Variants in SAMD5 observed in about 807,000 individuals in gnomAD.
SAMD5 encodes sterile alpha motif domain containing 5.
In SAMD5, 13 loss-of-function variants were observed where a neutral mutation model predicts 11.3. The observed-to-expected ratio is 1.15, with a 90% CI of 0.75 to 1.83. The LOEUF is 1.83. Ranked by LOEUF, SAMD5 falls within the 40% of genes most tolerant of loss-of-function variation. SAMD5 has a pLI of 0.00. For synonymous variants in SAMD5, 129 were observed against 111.3 expected, an observed-to-expected ratio of 1.16 and a Z score of -1.00; for missense variants, 255 against 239.1, an observed-to-expected ratio of 1.07 and a Z score of -0.44.
intron 1 of SAMD5, among the ~76,000 whole-genome samples, chr6:147,630,636 A>G (rs1210799315): frequency 1.3e-5 from 2 of 149,472 alleles, no homozygotes; most frequent in African/African-American, 4.9e-5. Flanking sequence ...CCCCACCCCT[A>G]TCTCCCTTTG....
the SAMD5 span, among the ~76,000 whole-genome samples, chr6:147,897,536 G>T: frequency 3.4e-3 from 524 of 152,286 alleles, 3 homozygotes; most frequent in African/African-American, 0.012. Context: ...CCTCATAGGA[G>T]CAATCAAGGT....
intron 1 of SAMD5, among the ~76,000 whole-genome samples, chr6:147,648,062 G>A (rs1790431144): frequency 6.6e-6 from 1 of 152,158 alleles, no homozygotes; most frequent in African/African-American, 2.4e-5. Context: ...TCCCTCTAAG[G>A]CCAGCTGTCT....
the SAMD5 span, among the ~76,000 whole-genome samples, chr6:147,932,173 AT>A: frequency 6.6e-6 from 1 of 152,184 alleles, no homozygotes; most frequent in Non-Finnish European, 1.5e-5. Context: ...CATTATTCCT[AT>A]TTTGTAAGTA....
the SAMD5 span, among the ~76,000 whole-genome samples, chr6:147,949,631 G>A: frequency 3.9e-5 from 6 of 152,002 alleles, no homozygotes; most frequent in Admixed American, 6.5e-5. Flanking sequence ...CTAAAATATC[G>A]TTATTTTTCT....
the SAMD5 span, among the ~76,000 whole-genome samples, chr6:147,853,608 A>T: frequency 6.9e-6 from 1 of 144,014 alleles, no homozygotes; most frequent in African/African-American, 2.5e-5. Flanking sequence ...TAGGTAAATT[A>T]CCTTTTGAAA....
the SAMD5 span, among the ~76,000 whole-genome samples, chr6:147,908,604 G>A: frequency 6.6e-6 from 1 of 152,164 alleles, no homozygotes; most frequent in African/African-American, 2.4e-5. Flanking sequence ...CTTTGCAGCA[G>A]GGAAAGAGAA....
chr6:147,916,212 T>C, the SAMD5 span, among the ~76,000 whole-genome samples: 4 of 152,292 alleles, frequency 2.6e-5, no homozygotes, highest in Non-Finnish European at 4.4e-5. Flanking sequence ...GCAATAAACA[T>C]ACATGTGCAT....
chr6:147,570,654 A>G (rs1789123135), downstream of SAMD5, among the ~76,000 whole-genome samples: 3 of 152,216 alleles, frequency 2.0e-5, no homozygotes, highest in Non-Finnish European at 4.4e-5. Context: ...TTTTTAATCA[A>G]ATCATTTAAA....
chr6:147,947,345 A>G, the SAMD5 span: 1 of 152,238 alleles, frequency 6.6e-6, no homozygotes, highest in Non-Finnish European at 1.5e-5. Context: ...GTGATTTTCT[A>G]CTAAAAAGTT....
the SAMD5 span, among the ~76,000 whole-genome samples, chr6:147,947,180 T>C: frequency 6.6e-6 from 1 of 152,198 alleles, no homozygotes; most frequent in Non-Finnish European, 1.5e-5. Context: ...AGATTCCTGC[T>C]AACATTTTCC....
chr6:147,818,805 C>T, the SAMD5 span, among the ~76,000 whole-genome samples: 1 of 152,104 alleles, frequency 6.6e-6, no homozygotes, highest in Non-Finnish European at 1.5e-5. Flanking sequence ...GACTGTGACA[C>T]CAGCAAGTTA....
At chr6:147,843,808 T>C in the SAMD5 span, among the ~76,000 whole-genome samples, 13 of 152,072 alleles carry the variant, frequency 8.5e-5, no homozygotes, top group Non-Finnish European at 2.9e-5. Context: ...AGAATGAAAA[T>C]TATCCCTTAT....
intron 1 of SAMD5, among the ~76,000 whole-genome samples, chr6:147,691,786 A>T (rs970998143): frequency 4.6e-5 from 7 of 152,220 alleles, no homozygotes; most frequent in African/African-American, 1.7e-4. Flanking sequence ...ACTGTTCAGA[A>T]ATCAAGGCCA....
At chr6:147,681,337 GT>G (rs1260214840) in intron 1 of SAMD5, among the ~76,000 whole-genome samples, 1 of 151,786 alleles carries the variant, frequency 6.6e-6, no homozygotes, top group Non-Finnish European at 1.5e-5. Flanking sequence ...CATCCAGTAT[GT>G]TTTTTTCATC....
At chr6:147,823,142 G>T in the SAMD5 span, among the ~76,000 whole-genome samples, 1 of 152,026 alleles carries the variant, frequency 6.6e-6, no homozygotes, top group Non-Finnish European at 1.5e-5. Context: ...ATACAAGTTT[G>T]CATATTTCCT....
intron 1 of SAMD5, among the ~76,000 whole-genome samples, chr6:147,626,852 C>G (rs1460126169): frequency 7.3e-6 from 1 of 137,478 alleles, no homozygotes; most frequent in Non-Finnish European, 1.6e-5. Context: ...ATATGAAGTA[C>G]TTAGCATACT....
intron 1 of SAMD5, among the ~76,000 whole-genome samples, chr6:147,623,752 G>A (rs1285144140): frequency 2.0e-5 from 3 of 152,222 alleles, no homozygotes; most frequent in African/African-American, 7.2e-5. Flanking sequence ...AAGTAAGACT[G>A]AGCACATTAG....
downstream of SAMD5, chr6:147,741,620 G>A (rs1791880406): frequency 6.6e-6 from 1 of 152,158 alleles, no homozygotes; most frequent in Non-Finnish European, 1.5e-5. Context: ...ATGTGTTGTT[G>A]GCAGGTATCC....
At chr6:147,816,887 A>T in the SAMD5 span, among the ~76,000 whole-genome samples, 1 of 152,168 alleles carries the variant, frequency 6.6e-6, no homozygotes, top group Non-Finnish European at 1.5e-5. Context: ...GCTATAAAAG[A>T]TAAGTTTATC....
Sources: gnomAD v4.1 joint callset for allele counts (sites outside exome capture counted in the v4.1 genomes callset) on GRCh38, gnomAD v4.1.1 for gene constraint, MANE v1.5 for transcripts, NCBI Gene and HGNC (gene_info 2026-07-23, HGNC 2026-07-21) for gene names.